FYN: variants seen among roughly 807,000 people sequenced by gnomAD.
The protein encoded by FYN is tyrosine-protein kinase Fyn.
Under a neutral mutation model 70.2 loss-of-function variants are expected in FYN, and 10 were observed. The observed-to-expected ratio is 0.14, with a 90% CI of 0.09 to 0.24. The LOEUF (loss-of-function observed/expected upper bound fraction) is 0.24. Among genes scored for constraint, FYN ranks in the 10% least tolerant of loss-of-function variants. The pLI is 1.00. For missense variants in FYN, 319 were observed against 673.1 expected, an observed-to-expected ratio of 0.47 and a Z score of 5.82; for synonymous variants, 236 against 248.6, an observed-to-expected ratio of 0.95 and a Z score of 0.48.
chr6:111,705,248 A>C (rs761894377), intron 6 of FYN, among the ~76,000 whole-genome samples: 3 of 152,136 alleles, frequency 2.0e-5, no homozygotes, highest in Non-Finnish European at 4.4e-5. Flanking sequence ...CCTCCCTATA[A>C]GAATTCTGAG....
At chr6:111,774,182 A>C (rs1036246209) in intron 3 of FYN, among the ~76,000 whole-genome samples, 1 of 152,214 alleles carries the variant, frequency 6.6e-6, no homozygotes, top group Admixed American at 6.5e-5. Flanking sequence ...GCCTGTTTCC[A>C]TATGGAGTGG....
At chr6:111,671,728 A>C (rs1296747519) in intron 13 of FYN, among the ~76,000 whole-genome samples, 1 of 152,212 alleles carries the variant, frequency 6.6e-6, no homozygotes, top group African/African-American at 2.4e-5. Context: ...GACTTGCCAC[A>C]CCAACAAATA....
chr6:111,759,683 T>C (rs577987377), intron 3 of FYN, among the ~76,000 whole-genome samples: 1 of 152,356 alleles, frequency 6.6e-6, no homozygotes, highest in Admixed American at 6.5e-5. Flanking sequence ...CCTAGTTCCT[T>C]AGTGCCTTCT....
At chr6:111,756,447 C>CA (rs928058029) in intron 3 of FYN, among the ~76,000 whole-genome samples, 70 of 149,500 alleles carry the variant, frequency 4.7e-4, no homozygotes, top group African/African-American at 1.5e-3. Context: ...AGATCAAAAC[C>CA]AAAAAAAAAT....
At chr6:111,834,294 A>G (rs1358423237) in intron 2 of FYN, among the ~76,000 whole-genome samples, 1 of 152,172 alleles carries the variant, frequency 6.6e-6, no homozygotes, top group Non-Finnish European at 1.5e-5. Flanking sequence ...TCTCACACAC[A>G]CACAATGTAG....
At position 111,661,657 on chromosome 6, in the gene FYN, A is replaced by G; in HGVS notation, c.*82T>C. The G allele has an allele frequency of 7.5e-7, 1 of 1,335,340 alleles. No homozygotes were observed. The highest frequency in any genetic ancestry group is 2.0e-5 in the Admixed American group (1 of 50,216). 82.7% of individuals were successfully genotyped at this position (1,335,340 alleles called of 1,614,324 possible). A position where few individuals can be genotyped will look rare whatever the true frequency, so the allele number is the denominator to read the frequency against. On this transcript the variant is annotated 3_prime_UTR_variant, in exon 14 of 14. Coordinates refer to ENST00000354650, the MANE Select transcript of FYN (RefSeq NM_002037.5). The surrounding 1 kb of genome is among the most constrained non-coding windows in gnomAD (Gnocchi z 4.0). The stretch of plus-strand genomic sequence containing the variant: ...ATCCTGGGCGGTTCCGCTGCTGGGG[A>G]GCAGCTGGCTACGGAATTGAAAGCT...
chr6:111,786,126 TG>T (rs1385815740), intron 2 of FYN, among the ~76,000 whole-genome samples: 5 of 152,150 alleles, frequency 3.3e-5, no homozygotes, highest in Non-Finnish European at 7.3e-5. Context: ...TTGTTACATA[TG>T]TATACATGCG....
intron 2 of FYN, among the ~76,000 whole-genome samples, chr6:111,841,817 A>G (rs554930811): frequency 3.3e-5 from 5 of 150,340 alleles, no homozygotes; most frequent in African/African-American, 1.2e-4. Context: ...GGCAGAGGGT[A>G]GGTATATTTT....
chr6:111,868,156 C>T (rs1243298993), intron 1 of FYN, among the ~76,000 whole-genome samples: 6 of 151,990 alleles, frequency 3.9e-5, no homozygotes, highest in Admixed American at 2.0e-4. Flanking sequence ...CTCCATTCTG[C>T]ACACTCTCTG....
chr6:111,840,187 T>G (rs1773315266), intron 2 of FYN, among the ~76,000 whole-genome samples: 2 of 152,340 alleles, frequency 1.3e-5, no homozygotes, highest in South Asian at 4.1e-4. Flanking sequence ...TGAGGTATGT[T>G]AGGCAGAAAA....
intron 3 of FYN, among the ~76,000 whole-genome samples, chr6:111,768,675 C>G (rs1803324878): frequency 6.6e-6 from 1 of 152,210 alleles, no homozygotes. Context: ...GCAGATGATG[C>G]TCTGCCACTA....
chr6:111,864,520 C>A (rs1218683074), intron 1 of FYN, among the ~76,000 whole-genome samples: 1 of 151,958 alleles, frequency 6.6e-6, no homozygotes, highest in Admixed American at 6.6e-5. Context: ...CACTGTCCTA[C>A]CCAGCTGGTT....
At chr6:111,836,543 T>C (rs894913684) in intron 2 of FYN, among the ~76,000 whole-genome samples, 22 of 152,252 alleles carry the variant, frequency 1.4e-4, no homozygotes, top group African/African-American at 5.1e-4. Flanking sequence ...GGTGGGAGGA[T>C]GAATTGAGCC....
intron 2 of FYN, among the ~76,000 whole-genome samples, chr6:111,820,977 A>G (rs1772640081): frequency 6.6e-6 from 1 of 152,178 alleles, no homozygotes; most frequent in South Asian, 2.1e-4. Flanking sequence ...ACCATGACTA[A>G]TTAACTCTGA....
chr6:111,699,878 A>G, intron 9 of FYN: 1 of 647,482 alleles, frequency 1.5e-6, no homozygotes, highest in South Asian at 2.6e-5. Context: ...TAATAGTACA[A>G]CTTGAGCCAT....
chr6:111,742,667 A>G (rs6912110), intron 3 of FYN, among the ~76,000 whole-genome samples: 48,425 of 152,164 alleles, frequency 0.32, 8,789 homozygotes, highest in East Asian at 0.47. Flanking sequence ...ACTGAACAGA[A>G]CTGTTCCACT....
intron 2 of FYN, among the ~76,000 whole-genome samples, chr6:111,811,418 CA>C (rs1010056774): frequency 1.3e-5 from 2 of 152,162 alleles, no homozygotes; most frequent in Non-Finnish European, 2.9e-5. Context: ...AAACACTGGA[CA>C]ATGTGGGTCA....
intron 2 of FYN, chr6:111,793,675 T>G (rs1771707973): frequency 6.6e-6 from 1 of 152,250 alleles, no homozygotes; most frequent in Admixed American, 6.5e-5. Context: ...TACATGGTCA[T>G]GAGGTCCAGA....
chr6:111,771,055 C>G (rs972794826), intron 3 of FYN, among the ~76,000 whole-genome samples: 1 of 152,148 alleles, frequency 6.6e-6, no homozygotes. Flanking sequence ...TCTAGAGAAG[C>G]TCTTTACCTG....
Sources: gnomAD v4.1 joint callset for allele counts (sites outside exome capture counted in the v4.1 genomes callset) on GRCh38, gnomAD v4.1.1 for gene constraint, Gnocchi (gnomAD v3.1) non-coding constraint, MANE v1.5 for transcripts, NCBI Gene and HGNC (gene_info 2026-07-23, HGNC 2026-07-21) for gene names.